Variants in ELMOD1 observed in about 807,000 individuals in gnomAD.
The protein encoded by ELMOD1 is ELMO domain containing 1, also known as ELMO domain-containing protein 1.
Under a neutral mutation model 46.7 loss-of-function variants are expected in ELMOD1, and 21 were observed. The ratio of observed to expected loss-of-function variants is 0.45; its 90% CI spans 0.32 to 0.65. The LOEUF (loss-of-function observed/expected upper bound fraction) is 0.65. Among genes scored for constraint, ELMOD1 ranks in the 30% least tolerant of loss-of-function variants. The pLI, the probability that ELMOD1 is intolerant of heterozygous loss-of-function variation, is 0.04. For synonymous variants in ELMOD1, 122 were observed against 138.2 expected (o/e 0.88, Z 0.82); for missense variants, 348 against 407.8 (o/e 0.85, Z 1.26).
intron 1 of ELMOD1, among the ~76,000 whole-genome samples, chr11:107,599,740 CAAAA>C (rs56992146): frequency 4.9e-4 from 45 of 91,214 alleles, no homozygotes; most frequent in African/African-American, 1.9e-3. Context: ...AGACCTGTCT[CAAAA>C]AAAAAAAGAA....
chr11:107,655,300 T>C (rs1463804857), intron 10 of ELMOD1, among the ~76,000 whole-genome samples: 1 of 152,186 alleles, frequency 6.6e-6, no homozygotes, highest in Non-Finnish European at 1.5e-5. Context: ...TTCTTTAGGA[T>C]ATTTGAATAG....
chr11:107,657,677 C>A (rs145000953), intron 11 of ELMOD1, among the ~76,000 whole-genome samples: 28 of 152,268 alleles, frequency 1.8e-4, no homozygotes, highest in African/African-American at 6.3e-4. Context: ...AATGCAAGGT[C>A]GTAAACATTT....
intron 1 of ELMOD1, among the ~76,000 whole-genome samples, chr11:107,596,593 G>A (rs969118546): frequency 3.9e-5 from 6 of 152,048 alleles, no homozygotes; most frequent in African/African-American, 1.4e-4. Flanking sequence ...AAGCTCAATT[G>A]TACATTCTCT....
chr11:107,614,685 G>T (rs2509205), intron 1 of ELMOD1, among the ~76,000 whole-genome samples: 11,207 of 152,122 alleles, frequency 0.074, 811 homozygotes, highest in African/African-American at 0.19. Flanking sequence ...CATCTCAGCT[G>T]GAAAGCTTTC....
At chr11:107,642,734 A>T (rs80134009) in intron 6 of ELMOD1, among the ~76,000 whole-genome samples, 5,978 of 152,276 alleles carry the variant, frequency 0.039, 129 homozygotes, top group South Asian at 0.079. Context: ...ACTTTAAAAA[A>T]TTTTCCCATT....
intron 1 of ELMOD1, 144 bp from the exon 2 acceptor site, chr11:107,617,961 A>G (rs1865889049): frequency 1.7e-6 from 1 of 573,998 alleles, no homozygotes; most frequent in Non-Finnish European, 3.1e-6. Context: ...CTATCCATTG[A>G]ATTGCATTGC....
intron 1 of ELMOD1, among the ~76,000 whole-genome samples, chr11:107,615,985 CTTTTTTTTTTTT>C (rs57135460): frequency 4.1e-5 from 3 of 74,044 alleles, no homozygotes; most frequent in East Asian, 4.2e-4. Context: ...CAGGTTTTTC[CTTTTTTTTTTTT>C]TTTTTTTTTT....
rs79438296 is a variant in ELMOD1, at chr11:107,609,807, C to T, written c.-85-8298C>T. ...TGACAAGCACAATCATTTGATCCTT[C>T]CCTTTGGATGAGTTCAGGCCAATGT... is the stretch of plus-strand genomic sequence containing the variant. On this transcript the variant is annotated intron_variant, in intron 1 of 11. Coordinates refer to ENST00000265840, the MANE Select transcript of ELMOD1 (RefSeq NM_018712.4). Among the ~76,000 whole-genome samples, 70 of 152,280 alleles carry T rather than the reference C, an allele frequency of 4.6e-4. No individual in the cohort carries two copies. In the East Asian group the frequency reaches 0.013, roughly 29 times the overall value.
At chr11:107,661,252 GT>G (rs1367476235) in intron 11 of ELMOD1, among the ~76,000 whole-genome samples, 2 of 152,132 alleles carry the variant, frequency 1.3e-5, no homozygotes, top group Admixed American at 1.3e-4. Flanking sequence ...CTTTCAAGAT[GT>G]TTTTCTATAA....
At chr11:107,648,697 A>G (rs1263327873) in intron 7 of ELMOD1, among the ~76,000 whole-genome samples, 2 of 151,814 alleles carry the variant, frequency 1.3e-5, no homozygotes, top group Non-Finnish European at 2.9e-5. Flanking sequence ...ACAGATATTC[A>G]ATTTTTGTAT....
chr11:107,628,235 C>T (rs572228675), intron 2 of ELMOD1, among the ~76,000 whole-genome samples: 1 of 152,014 alleles, frequency 6.6e-6, no homozygotes, highest in African/African-American at 2.4e-5. Context: ...GGTATGATCT[C>T]GGCTCACTGC....
chr11:107,595,775 G>A (rs188396819), intron 1 of ELMOD1, among the ~76,000 whole-genome samples: 141 of 152,166 alleles, frequency 9.3e-4, no homozygotes, highest in Admixed American at 3.0e-3. Context: ...AAAATGGAAG[G>A]TATGCAAATT....
At chr11:107,644,600 G>A (rs1308553160) in intron 6 of ELMOD1, among the ~76,000 whole-genome samples, 1 of 151,624 alleles carries the variant, frequency 6.6e-6, no homozygotes, top group South Asian at 2.1e-4. Context: ...TCAGCCTCCC[G>A]AGTAGCTGGG....
chr11:107,606,203 A>T (rs1865682558), intron 1 of ELMOD1, among the ~76,000 whole-genome samples: 1 of 152,188 alleles, frequency 6.6e-6, no homozygotes, highest in Admixed American at 6.5e-5. Context: ...ACGACATATG[A>T]AGCAGGATGC....
In ELMOD1 at chr11:107,647,447, TC is replaced by T; in HGVS notation, c.421-19del. ...AGGAAAGGGTGTATCAACAGAGTAA[TC>T]CTTTTTTTTTTTCCTACAGTTATGG... On this transcript the variant is annotated intron_variant, in intron 6 of 11. Transcript: ENST00000265840. 6.2e-7 allele frequency: 1 copy of T among 1,602,628 alleles called. No homozygotes were observed. Among genetic ancestry groups the T allele is most frequent in the Non-Finnish European group, 8.5e-7 (1 of 1,175,568 alleles).
At chr11:107,631,343 A>C (rs930604405) in intron 4 of ELMOD1, among the ~76,000 whole-genome samples, 2 of 151,768 alleles carry the variant, frequency 1.3e-5, no homozygotes, top group Admixed American at 1.3e-4. Context: ...GTAAGAACAA[A>C]ACCAAAAAAA....
Position 107,622,695 on chromosome 11 carries a change from T to C in ELMOD1, c.17+4489T>C, listed in dbSNP as rs140467478. Among the ~76,000 whole-genome samples, 666 of 152,334 alleles carry C rather than the reference T, an allele frequency of 4.4e-3. 4 individuals are homozygous for C. Among genetic ancestry groups the C allele is most frequent in the African/African-American group, 0.014 (585 of 41,566 alleles). On this transcript the variant is annotated intron_variant, in intron 2 of 11. Transcript: ENST00000265840. ...AGCATGACCCACTTTCCATTGCTTT[T>C]GAAGAGCAGAAGGTGCAGGAACGTG...
chr11:107,623,468 C>T (rs1005008682), intron 2 of ELMOD1: 1 of 152,210 alleles, frequency 6.6e-6, no homozygotes, highest in Non-Finnish European at 1.5e-5. Flanking sequence ...AGCAATATAC[C>T]CGAAAGCCAC....
intron 2 of ELMOD1, among the ~76,000 whole-genome samples, chr11:107,628,578 T>G (rs1190893526): frequency 2.0e-5 from 3 of 151,428 alleles, no homozygotes; most frequent in Non-Finnish European, 4.4e-5. Context: ...TTTTGGAAGC[T>G]GTTAAACTAA....
Sources: allele counts gnomAD v4.1 joint callset (sites outside exome capture counted in the v4.1 genomes callset), GRCh38; gene constraint gnomAD v4.1.1; transcripts MANE v1.5; gene names NCBI Gene and HGNC (gene_info 2026-07-23, HGNC 2026-07-21).